Variants in DCAF12 observed in about 807,000 individuals in gnomAD.
DCAF12 encodes DDB1- and CUL4-associated factor 12.
Under a neutral mutation model 52.8 loss-of-function variants are expected in DCAF12, and 28 were observed. The ratio of observed to expected loss-of-function variants is 0.53; its 90% CI spans 0.39 to 0.73. DCAF12 has a LOEUF of 0.73. DCAF12 is among the 30% of genes least tolerant of loss of function. DCAF12 has a pLI of 0.00. For synonymous variants in DCAF12, 196 were observed against 215.5 expected (o/e 0.91, Z 0.79); for missense variants, 425 against 552.2 (o/e 0.77, Z 2.31).
chr9:34,096,809 A>G lies in DCAF12; in HGVS notation c.796-28T>C, dbSNP rs1207793094. ...ACAAGAGCAATGAAAACCAGGTTAT[A>G]TTATCATCTATAGCAACTAATGTAC... On this transcript the variant is annotated intron_variant, in intron 5 of 8. Transcript: ENST00000361264. The G allele has an allele frequency of 6.9e-6, 11 of 1,598,810 alleles. No homozygotes were observed. The Middle Eastern group carries it at 1.2e-3, about 168-fold the overall frequency.
chr9:34,123,327 C>T (rs1427795256), intron 2 of DCAF12, among the ~76,000 whole-genome samples: 11 of 152,078 alleles, frequency 7.2e-5, no homozygotes, highest in East Asian at 1.9e-4. Context: ...TCATTTTTAC[C>T]GCTACTAGTA....
At chr9:34,089,079 C>CTCCA (rs1049907018) in intron 8 of DCAF12, among the ~76,000 whole-genome samples, 2 of 149,022 alleles carry the variant, frequency 1.3e-5, no homozygotes, top group African/African-American at 5.0e-5. Flanking sequence ...CACCACTACA[C>CTCCA]TCCAGCCTGG....
In DCAF12 at chr9:34,089,507, G is replaced by C. The variant is rs914603240; in HGVS notation, c.1108C>G (p.Gln370Glu). The change falls in exon 8 of 9, where the codon CAG (glutamine) becomes GAG (glutamate). Residue 370 changes from glutamine to glutamate, a missense_variant. Physicochemically the swap from Gln to Glu is conservative, Grantham distance 29 (BLOSUM62 2). Coordinates refer to ENST00000361264, the MANE Select transcript of DCAF12 (RefSeq NM_015397.4). ...GAGAGCCTCTCTTCCAGAAATCTCT[G>C]AGCTCGGATGTCATAGAACAGCAGG... is the stretch of plus-strand genomic sequence containing the variant. ...GSLLFYDIRAQRFLEERLSAC... is the reference protein window; with the variant it reads ...GSLLFYDIRAERFLEERLSAC... 3 of 1,614,006 alleles carry C rather than the reference G, an allele frequency of 1.9e-6. No homozygotes were observed. Among genetic ancestry groups the C allele is most frequent in the Non-Finnish European group, 2.5e-6 (3 of 1,180,046 alleles).
At position 34,096,761 on chromosome 9, in the gene DCAF12, C is replaced by T; in HGVS notation, c.816G>A (p.Leu272=). Residue 272 remains leucine (L), a synonymous_variant, in exon 6 of 9, where the codon CTG becomes CTA. Transcript: ENST00000361264. The part of the protein sequence containing the change: ...NKNKELGAVS[L]DGYFHLWKAE... ...CCTTCCAGAGATGAAAGTAGCCATCCAGAGACACTGCTCCCAGTTCCTACA... is the reference window on the plus strand; with the variant it reads ...CCTTCCAGAGATGAAAGTAGCCATCTAGAGACACTGCTCCCAGTTCCTACA... The T allele has an allele frequency of 6.2e-7, 1 of 1,613,980 alleles. No individual in the cohort carries two copies. The highest frequency in any genetic ancestry group is 8.5e-7 in the Non-Finnish European group (1 of 1,179,978).
At position 34,088,179 on chromosome 9, in the gene DCAF12, T is replaced by G; in HGVS notation, c.*171A>C. 1 of 575,100 alleles carries G rather than the reference T, an allele frequency of 1.7e-6. No individual in the cohort carries two copies. The allele number at this position is 575,100 out of a possible 1,614,324, so 35.6% of individuals were successfully genotyped here. Reference sequence around the variant, plus strand: ...AGGGGAAAACAAAAAGCAAAACAACTTTCAGATTTCTGTACAGAGCTTCTT... The same window carrying G: ...AGGGGAAAACAAAAAGCAAAACAACGTTCAGATTTCTGTACAGAGCTTCTT... On this transcript the variant is annotated 3_prime_UTR_variant, in exon 9 of 9. Transcript: ENST00000361264.
chr9:34,096,906 C>A (rs993420064), intron 5 of DCAF12, 125 bp from the exon 6 acceptor site: 3 of 797,294 alleles, frequency 3.8e-6, no homozygotes, highest in African/African-American at 3.5e-5. Flanking sequence ...AGCAGAGGTG[C>A]CAGTAATTAT....
At chr9:34,093,570 AT>A in intron 6 of DCAF12, 122 bp from the exon 7 acceptor site, 1 of 1,060,940 alleles carries the variant, frequency 9.4e-7, no homozygotes, top group Non-Finnish European at 1.4e-6. Flanking sequence ...TCAAGCCCTG[AT>A]TACAGAAATA....
intron 2 of DCAF12, among the ~76,000 whole-genome samples, chr9:34,123,313 G>C (rs1829202594): frequency 6.6e-6 from 1 of 152,098 alleles, no homozygotes; most frequent in Non-Finnish European, 1.5e-5. Flanking sequence ...AAAGGTTATG[G>C]AAATCATTTT....
chr9:34,102,216 A>G (rs1313555109), intron 4 of DCAF12, among the ~76,000 whole-genome samples: 1 of 151,432 alleles, frequency 6.6e-6, no homozygotes, highest in East Asian at 1.9e-4. Context: ...TGGAGCCTGG[A>G]GAGGTCAAGG....
intron 6 of DCAF12, 200 bp from the exon 7 acceptor site, chr9:34,093,648 A>C (rs1398126228): frequency 1.8e-6 from 1 of 552,700 alleles, no homozygotes; most frequent in Non-Finnish European, 3.2e-6. Flanking sequence ...GGTAAGACCT[A>C]GATACTGAAG....
intron 1 of DCAF12, chr9:34,125,756 G>C (rs984153717): frequency 1.0e-5 from 3 of 287,546 alleles, no homozygotes. Flanking sequence ...TCATGCCCGC[G>C]CTCCAGGCAG....
chr9:34,090,977 C>A (rs1438634357), intron 7 of DCAF12, among the ~76,000 whole-genome samples: 3 of 151,988 alleles, frequency 2.0e-5, no homozygotes, highest in Non-Finnish European at 4.4e-5. Flanking sequence ...CCTTTCTCTA[C>A]TACTCTCATT....
At chr9:34,113,935 C>T (rs1438998568) in intron 2 of DCAF12, among the ~76,000 whole-genome samples, 3 of 151,918 alleles carry the variant, frequency 2.0e-5, no homozygotes, top group Non-Finnish European at 2.9e-5. Context: ...AGTGAAACCC[C>T]GTCTCTACTA....
rs749579942 is a variant in DCAF12 at position 34,089,568 on chromosome 9, G to A, written c.1047C>T (p.Tyr349=). The change falls in exon 8 of 9, where the codon TAC becomes TAT. Residue 349 remains tyrosine (Y), a synonymous_variant. Coordinates refer to ENST00000361264, the MANE Select transcript of DCAF12 (RefSeq NM_015397.4). ...RGSGIRSVSF[Y]EHIITVGTGQ... is the part of the protein sequence containing the mutation. ...CTGTTCCCACAGTGATGATGTGCTCGTAGAAACTCACTGACCGGATTCCTG... is the reference window on the plus strand; with the variant it reads ...CTGTTCCCACAGTGATGATGTGCTCATAGAAACTCACTGACCGGATTCCTG... 2.5e-5 allele frequency: 40 copies of A among 1,607,018 alleles called. No individual in the cohort carries two copies. Among genetic ancestry groups the A allele is most frequent in the Middle Eastern group, 1.7e-4 (1 of 6,032 alleles).
intron 1 of DCAF12, 27 bp downstream of exon 1, chr9:34,126,327 C>T (rs1273167906): frequency 5.6e-6 from 9 of 1,611,168 alleles, no homozygotes; most frequent in Admixed American, 1.7e-5. Context: ...AGCCTCACCA[C>T]CCAGGTGCCG....
Position 34,125,301 on chromosome 9 carries a change from AG to A in DCAF12, c.79-25del, listed in dbSNP as rs751533345. On this transcript the variant is annotated intron_variant, in intron 1 of 8. Transcript: ENST00000361264. ...AACTGTGGAAACAACATTAGAAATC[AG>A]GGCTTTGGCTACTCTTCTTCAGAAC... 175 of 1,611,972 alleles carry A rather than the reference AG, an allele frequency of 1.1e-4. No individual in the cohort carries two copies. In the Middle Eastern group the frequency reaches 2.0e-3, roughly 18 times the overall value.
chr9:34,096,567 G>A (rs1828738534), intron 6 of DCAF12, 149 bp downstream of exon 6: 2 of 694,256 alleles, frequency 2.9e-6, no homozygotes, highest in East Asian at 3.0e-5. Context: ...TTGCACCACT[G>A]CACTCCAGCC....
At chr9:34,098,229 A>G in intron 5 of DCAF12, 95 bp downstream of exon 5, 1 of 1,314,056 alleles carries the variant, frequency 7.6e-7, no homozygotes, top group Non-Finnish European at 1.1e-6. Context: ...GAACCATGCT[A>G]TGTAGCAAGC....
intron 8 of DCAF12, 62 bp downstream of exon 8, chr9:34,089,350 G>A: frequency 6.7e-7 from 1 of 1,502,124 alleles, no homozygotes; most frequent in Non-Finnish European, 9.0e-7. Context: ...GGGGCTGAGA[G>A]ATAGAGGAAG....
Sources: allele counts gnomAD v4.1 joint callset (sites outside exome capture counted in the v4.1 genomes callset), GRCh38; gene constraint gnomAD v4.1.1; transcripts MANE v1.5; gene names NCBI Gene and HGNC (gene_info 2026-07-23, HGNC 2026-07-21).